The following ANTXR1 variants were observed in gnomAD, a reference collection of about 807,000 sequenced individuals.
ANTXR1 encodes ANTXR cell adhesion molecule 1.
ANTXR1 carries 19 observed loss-of-function variants against 78.1 expected under a neutral mutation model. The ratio of observed to expected loss-of-function variants is 0.24; its 90% CI spans 0.17 to 0.36. ANTXR1 has a LOEUF of 0.36. ANTXR1 is among the 10% of genes least tolerant of loss of function. The pLI is 1.00. For synonymous variants in ANTXR1, 273 were observed against 260.5 expected (o/e 1.05, Z -0.46); for missense variants, 518 against 718.6 (o/e 0.72, Z 3.19).
chr2:69,161,489 T>G (rs1673681032), intron 13 of ANTXR1, among the ~76,000 whole-genome samples: 1 of 152,216 alleles, frequency 6.6e-6, no homozygotes. Context: ...ACTTTTACAG[T>G]GTAAAATTAC....
chr2:69,018,757 C>T lies in ANTXR1; in HGVS notation c.152+5106C>T, dbSNP rs185465289. Among the ~76,000 whole-genome samples, 19 of 152,316 alleles carry T rather than the reference C, an allele frequency of 1.2e-4. 1 individual carries two copies. Among genetic ancestry groups the T allele is most frequent in the Non-Finnish European group, 1.9e-4 (13 of 68,032 alleles). ...CCCTTGACTCCCAGACCAGCTCTTT[C>T]CACTCATCTTCCCTGTAGAGTTGGG... is the stretch of plus-strand genomic sequence containing the variant. On this transcript the variant is annotated intron_variant, in intron 1 of 17. Transcript: ENST00000303714.
chr2:69,163,638 C>G (rs934798758), intron 13 of ANTXR1, among the ~76,000 whole-genome samples: 3 of 152,190 alleles, frequency 2.0e-5, no homozygotes, highest in Admixed American at 1.3e-4. Flanking sequence ...GACACACGCT[C>G]CTATTGACAG....
At chr2:69,223,794 CCTTG>C (rs1373100256) in intron 17 of ANTXR1, among the ~76,000 whole-genome samples, 1 of 151,948 alleles carries the variant, frequency 6.6e-6, no homozygotes, top group African/African-American at 2.4e-5. Flanking sequence ...TCAGGCAAGA[CCTTG>C]CTTAAGGAAA....
intron 3 of ANTXR1, among the ~76,000 whole-genome samples, chr2:69,059,908 T>G (rs1345478437): frequency 6.6e-6 from 1 of 152,222 alleles, no homozygotes; most frequent in Non-Finnish European, 1.5e-5. Flanking sequence ...AAAAGCCAGA[T>G]GGTGCCATAG....
rs934822181 is a variant in ANTXR1 at position 69,249,089 on chromosome 2, C to T, written c.*3604C>T. On this transcript the variant is annotated 3_prime_UTR_variant, in exon 18 of 18. Transcript: ENST00000303714. ...AAAAATCAGTTATCACTATACCATG[C>T]TATAGGAGACTGGGCAAAACCTGTA... The T allele has an allele frequency of 2.6e-5, 4 of 152,178 alleles. No homozygotes were observed. Among genetic ancestry groups the T allele is most frequent in the Non-Finnish European group, 5.9e-5 (4 of 68,028 alleles). 9.4% of individuals were successfully genotyped at this position (152,178 alleles called of 1,614,324 possible).
intron 3 of ANTXR1, among the ~76,000 whole-genome samples, chr2:69,067,393 C>T (rs1670430098): frequency 6.9e-6 from 1 of 145,960 alleles, no homozygotes; most frequent in Admixed American, 6.9e-5. Flanking sequence ...CTTTATTTGG[C>T]AGGGAAAAAA....
At chr2:69,223,713 CTTCA>C (rs927709184) in intron 17 of ANTXR1, among the ~76,000 whole-genome samples, 3 of 152,184 alleles carry the variant, frequency 2.0e-5, no homozygotes, top group Non-Finnish European at 4.4e-5. Context: ...GTTTTAATAT[CTTCA>C]TTGTGTGCTA....
intron 17 of ANTXR1, among the ~76,000 whole-genome samples, chr2:69,201,870 A>G (rs925523003): frequency 1.3e-5 from 2 of 152,204 alleles, no homozygotes; most frequent in African/African-American, 4.8e-5. Flanking sequence ...AAGGACCTGC[A>G]GCAGGTCAGG....
At position 69,249,136 on chromosome 2, in the gene ANTXR1, CT is replaced by C; in HGVS notation, c.*3658del. The C allele has an allele frequency of 6.6e-6, 1 of 151,938 alleles. No homozygotes were observed. The highest frequency in any genetic ancestry group is 2.4e-5 in the African/African-American group (1 of 41,340). 9.4% of individuals were successfully genotyped at this position (151,938 alleles called of 1,614,324 possible). ...TGTACAATGACAACCCTGGAAGTTG[CT>C]TTTTTTAAAAAAATAATAAATTTCT... On this transcript the variant is annotated 3_prime_UTR_variant, in exon 18 of 18. Transcript: ENST00000303714.
intron 7 of ANTXR1, 107 bp from the exon 8 acceptor site, chr2:69,077,300 TG>T (rs1451994862): frequency 1.8e-5 from 22 of 1,197,434 alleles, no homozygotes; most frequent in Non-Finnish European, 2.7e-5. Flanking sequence ...CATATTCCCC[TG>T]GGTTCTGAAT....
rs1011609269 is a variant in ANTXR1, at chr2:69,095,879, C to T, written c.703+4960C>T. Among the ~76,000 whole-genome samples the T allele has an allele frequency of 2.0e-5, 3 of 152,142 alleles. No homozygotes were observed. The South Asian group carries it at 6.2e-4, about 32-fold the overall frequency. On this transcript the variant is annotated intron_variant, in intron 9 of 17. Transcript: ENST00000303714. ...GATTATTTCTCAATAACTGAGGAAA[C>T]CAGTATTCCTGGAACTGTTTCACAT...
chr2:69,184,063 TCA>T (rs5831966), intron 16 of ANTXR1, among the ~76,000 whole-genome samples: 85,794 of 149,636 alleles, frequency 0.57, 27,144 homozygotes, highest in East Asian at 0.89. Context: ...ATACACACAC[TCA>T]CACACACACA....
intron 9 of ANTXR1, among the ~76,000 whole-genome samples, chr2:69,091,445 CAAAAAAAAAA>C (rs60795933): frequency 1.6e-5 from 1 of 62,328 alleles, no homozygotes; most frequent in Non-Finnish European, 2.9e-5. Flanking sequence ...GACACCATCT[CAAAAAAAAAA>C]AAAAAAAAAA....
chr2:69,053,984 G>T (rs1670000857), intron 3 of ANTXR1, among the ~76,000 whole-genome samples: 1 of 152,092 alleles, frequency 6.6e-6, no homozygotes, highest in African/African-American at 2.4e-5. Context: ...CCACCAATAT[G>T]TGTATGTACA....
chr2:69,081,486 C>T (rs1485243605), intron 8 of ANTXR1, among the ~76,000 whole-genome samples: 1 of 152,150 alleles, frequency 6.6e-6, no homozygotes, highest in African/African-American at 2.4e-5. Context: ...ACTTGTTTTC[C>T]ATTTTAGTTT....
At chr2:69,014,906 A>G (rs184300087) in intron 1 of ANTXR1, among the ~76,000 whole-genome samples, 1 of 152,306 alleles carries the variant, frequency 6.6e-6, no homozygotes, top group East Asian at 1.9e-4. Context: ...GAGAAGGTGG[A>G]TACTGAAAAT....
chr2:69,188,201 G>T (rs568436183), intron 16 of ANTXR1, among the ~76,000 whole-genome samples: 1 of 152,266 alleles, frequency 6.6e-6, no homozygotes, highest in Non-Finnish European at 1.5e-5. Flanking sequence ...CATCAACCTA[G>T]GTTCAAGGGA....
chr2:69,145,214 C>A, intron 12 of ANTXR1: 1 of 1,077,982 alleles, frequency 9.3e-7, no homozygotes, highest in Non-Finnish European at 1.4e-6. Context: ...GGGGCTGATT[C>A]GCTTAAACTT....
At chr2:69,184,094 C>A (rs746816976) in intron 16 of ANTXR1, among the ~76,000 whole-genome samples, 4 of 151,992 alleles carry the variant, frequency 2.6e-5, no homozygotes, top group African/African-American at 7.3e-5. Context: ...GCCTTACCCC[C>A]CTTCCAATAG....
Sources: gnomAD v4.1 joint callset for allele counts (sites outside exome capture counted in the v4.1 genomes callset) on GRCh38, gnomAD v4.1.1 for gene constraint, MANE v1.5 for transcripts, NCBI Gene and HGNC (gene_info 2026-07-23, HGNC 2026-07-21) for gene names.